GRIK2: variants seen among roughly 807,000 people sequenced by gnomAD.
GRIK2 encodes glutamate ionotropic receptor kainate type subunit 2.
Under a neutral mutation model 100.3 loss-of-function variants are expected in GRIK2, and 32 were observed. The ratio of observed to expected loss-of-function variants is 0.32; its 90% CI spans 0.24 to 0.43. The LOEUF (loss-of-function observed/expected upper bound fraction) is 0.43, where lower values mean the gene tolerates loss of function less well. GRIK2 is among the 20% of genes least tolerant of loss of function. GRIK2 has a pLI of 1.00. For missense variants in GRIK2, 843 were observed against 1,114.9 expected, an observed-to-expected ratio of 0.76 and a Z score of 3.47; for synonymous variants, 417 against 389.4, an observed-to-expected ratio of 1.07 and a Z score of -0.83.
At chr6:101,927,476 C>A (rs1789976589) in intron 13 of GRIK2, 1 of 152,540 alleles carries the variant, frequency 6.6e-6, no homozygotes, top group Non-Finnish European at 1.5e-5. Flanking sequence ...GTATACCTTA[C>A]TTATAAAAAA....
chr6:101,586,996 T>C (rs1198953240), intron 2 of GRIK2, among the ~76,000 whole-genome samples: 4 of 151,150 alleles, frequency 2.6e-5, no homozygotes, highest in Non-Finnish European at 5.9e-5. Flanking sequence ...ACATGAAATA[T>C]GGATTTAAAC....
At chr6:101,666,791 T>G (rs1036103092) in intron 4 of GRIK2, among the ~76,000 whole-genome samples, 3 of 152,174 alleles carry the variant, frequency 2.0e-5, no homozygotes, top group Non-Finnish European at 2.9e-5. Context: ...AATGAAAACA[T>G]TTTGATAAAG....
At chr6:101,606,579 T>C (rs1286145844) in intron 2 of GRIK2, among the ~76,000 whole-genome samples, 1 of 151,968 alleles carries the variant, frequency 6.6e-6, no homozygotes, top group Non-Finnish European at 1.5e-5. Context: ...AGTTGGCTAA[T>C]AATAGCAGAA....
At chr6:101,586,409 A>G (rs189147051) in intron 2 of GRIK2, among the ~76,000 whole-genome samples, 13 of 152,244 alleles carry the variant, frequency 8.5e-5, no homozygotes, top group African/African-American at 3.1e-4. Flanking sequence ...TGTAACATAA[A>G]AAGTGATCTT....
At chr6:101,823,870 T>TTG (rs1554269636) in intron 10 of GRIK2, among the ~76,000 whole-genome samples, 4 of 131,718 alleles carry the variant, frequency 3.0e-5, no homozygotes, top group South Asian at 4.2e-4. Flanking sequence ...CTGTTTTTTT[T>TTG]TTTTTGTTTT....
intron 4 of GRIK2, among the ~76,000 whole-genome samples, chr6:101,648,163 A>C (rs983571546): frequency 6.6e-6 from 1 of 152,042 alleles, no homozygotes; most frequent in Non-Finnish European, 1.5e-5. Context: ...TGCAGTAAAG[A>C]TATGCTGTAA....
chr6:101,979,769 G>T (rs1395909490), intron 14 of GRIK2, among the ~76,000 whole-genome samples: 1 of 151,928 alleles, frequency 6.6e-6, no homozygotes, highest in East Asian at 2.0e-4. Flanking sequence ...TTTTCTATAT[G>T]TTAAGCCCAT....
intron 16 of GRIK2, among the ~76,000 whole-genome samples, chr6:102,059,520 G>A (rs1771639544): frequency 2.0e-5 from 3 of 151,184 alleles, no homozygotes; most frequent in Non-Finnish European, 3.0e-5. Flanking sequence ...TATGGATTTG[G>A]TTGAAAGATC....
intron 2 of GRIK2, among the ~76,000 whole-genome samples, chr6:101,451,118 G>C (rs986752566): frequency 6.6e-6 from 1 of 151,500 alleles, no homozygotes; most frequent in African/African-American, 2.4e-5. Context: ...TAGATTAATC[G>C]TTGCACAGTC....
At chr6:101,685,036 G>C (rs1365977382) in intron 6 of GRIK2, among the ~76,000 whole-genome samples, 1 of 151,954 alleles carries the variant, frequency 6.6e-6, no homozygotes, top group Non-Finnish European at 1.5e-5. Context: ...CATATTTGGG[G>C]GTAGCATGTT....
At chr6:101,692,732 G>A (rs1772197476) in intron 7 of GRIK2, among the ~76,000 whole-genome samples, 1 of 151,876 alleles carries the variant, frequency 6.6e-6, no homozygotes, top group South Asian at 2.1e-4. Context: ...CGAAAAATGT[G>A]TAACATTTCA....
At chr6:101,978,092 A>G (rs1053862399) in intron 14 of GRIK2, among the ~76,000 whole-genome samples, 13 of 151,842 alleles carry the variant, frequency 8.6e-5, no homozygotes, top group African/African-American at 3.1e-4. Flanking sequence ...AGCCCCACAT[A>G]TTTCTATAGT....
At chr6:101,581,226 ACT>A (rs747554728) in intron 2 of GRIK2, among the ~76,000 whole-genome samples, 147 of 126,882 alleles carry the variant, frequency 1.2e-3, no homozygotes, top group African/African-American at 4.0e-3. Context: ...ATTCACACAC[ACT>A]CACACACATA....
At chr6:101,602,401 A>G in intron 2 of GRIK2, among the ~76,000 whole-genome samples, 1 of 151,408 alleles carries the variant, frequency 6.6e-6, no homozygotes, top group East Asian at 1.9e-4. Context: ...TATACAGTAA[A>G]TAGGGTTTTA....
At chr6:101,879,456 A>C (rs1274399076) in intron 11 of GRIK2, among the ~76,000 whole-genome samples, 1 of 151,918 alleles carries the variant, frequency 6.6e-6, no homozygotes, top group Non-Finnish European at 1.5e-5. Flanking sequence ...CTTTCACTTT[A>C]AGAGAGCCAA....
chr6:101,886,783 C>A (rs1786652801), intron 11 of GRIK2, among the ~76,000 whole-genome samples: 1 of 149,830 alleles, frequency 6.7e-6, no homozygotes, highest in Non-Finnish European at 1.5e-5. Context: ...CCCCTATAAT[C>A]AGCCCATCCC....
chr6:101,914,544 G>A (rs186067171), intron 12 of GRIK2, among the ~76,000 whole-genome samples: 158 of 151,526 alleles, frequency 1.0e-3, no homozygotes, highest in Non-Finnish European at 2.0e-3. Context: ...AGAATCTGTC[G>A]ACATTATAGT....
intron 16 of GRIK2, among the ~76,000 whole-genome samples, chr6:102,057,069 G>C (rs1324641695): frequency 6.6e-6 from 1 of 151,854 alleles, no homozygotes; most frequent in African/African-American, 2.4e-5. Context: ...AATCTAAAGA[G>C]CTAACCAAAG....
At chr6:101,569,428 G>A (rs1184409398) in intron 2 of GRIK2, among the ~76,000 whole-genome samples, 1 of 148,208 alleles carries the variant, frequency 6.7e-6, no homozygotes, top group Admixed American at 6.7e-5. Context: ...TTCTTTTATG[G>A]CTGATACCTT....
Sources: gnomAD v4.1 joint callset for allele counts (sites outside exome capture counted in the v4.1 genomes callset) on GRCh38, gnomAD v4.1.1 for gene constraint, MANE v1.5 for transcripts, NCBI Gene and HGNC (gene_info 2026-07-23, HGNC 2026-07-21) for gene names.